The following CDC40 variants were observed in gnomAD, a reference collection of about 807,000 sequenced individuals.
The protein encoded by CDC40 is cell division cycle 40.
Under a neutral mutation model 80.6 loss-of-function variants are expected in CDC40, and 27 were observed. That is an observed-to-expected ratio of 0.33 (90% CI 0.25 to 0.46). The LOEUF (loss-of-function observed/expected upper bound fraction) is 0.46. CDC40 is among the 20% of genes least tolerant of loss of function. The pLI is 1.00. For missense variants in CDC40, 486 were observed against 694.1 expected (o/e 0.70, Z 3.37); for synonymous variants, 221 against 232.6 (o/e 0.95, Z 0.45).
chr6:110,201,297 C>T (rs925910008), intron 2 of CDC40, among the ~76,000 whole-genome samples: 35 of 152,180 alleles, frequency 2.3e-4, no homozygotes, highest in Admixed American at 1.3e-4. Flanking sequence ...CTGACAACCA[C>T]ATGGGGCTAC....
At chr6:110,212,751 A>G (rs1304914904) in intron 7 of CDC40, among the ~76,000 whole-genome samples, 1 of 152,200 alleles carries the variant, frequency 6.6e-6, no homozygotes, top group African/African-American at 2.4e-5. Context: ...ATTCTTTGTC[A>G]TCTGTACTAT....
intron 1 of CDC40, among the ~76,000 whole-genome samples, chr6:110,191,953 A>G (rs1012372035): frequency 3.3e-5 from 5 of 152,258 alleles, no homozygotes; most frequent in African/African-American, 1.2e-4. Context: ...GGTACTTACA[A>G]TCAAATATGT....
At chr6:110,229,902 T>C in intron 14 of CDC40, 52 bp from the exon 15 acceptor site, 1 of 1,272,000 alleles carries the variant, frequency 7.9e-7, no homozygotes, top group African/African-American at 1.5e-5. Flanking sequence ...TCATTCGCCT[T>C]ACCAATTTAA....
intron 1 of CDC40, among the ~76,000 whole-genome samples, chr6:110,185,281 C>T (rs1486486170): frequency 1.5e-5 from 2 of 129,556 alleles, no homozygotes; most frequent in Admixed American, 9.1e-5. Context: ...CTCGCTCTGT[C>T]GCCCAGGCTG....
At chr6:110,181,948 T>C (rs1777203848) in intron 1 of CDC40, among the ~76,000 whole-genome samples, 2 of 152,242 alleles carry the variant, frequency 1.3e-5, no homozygotes, top group Admixed American at 1.3e-4. Flanking sequence ...CCCTTTTCAA[T>C]ACTGGTGTTT....
At position 110,232,128 on chromosome 6, in the gene CDC40, C is replaced by G. The variant is rs889900985; in HGVS notation, c.*1997C>G. ...CATCATTTCTAAATCTGGATTGATT[C>G]TGTTGTGTTTTTGACTGTTTCTAAA... is the stretch of plus-strand genomic sequence containing the variant. On this transcript the variant is annotated 3_prime_UTR_variant, in exon 15 of 15. Transcript: ENST00000307731. 6 of 152,254 alleles carry G rather than the reference C, an allele frequency of 3.9e-5. No homozygotes were observed. The highest frequency in any genetic ancestry group is 8.8e-5 in the Non-Finnish European group (6 of 67,976). The allele number at this position is 152,254 out of a possible 1,614,324, so 9.4% of individuals were successfully genotyped here. A position where few individuals can be genotyped will look rare whatever the true frequency, so the allele number is the denominator to read the frequency against.
chr6:110,226,364 A>G (rs1047398525), intron 13 of CDC40, 121 bp downstream of exon 13: 1 of 560,362 alleles, frequency 1.8e-6, no homozygotes, highest in Non-Finnish European at 3.1e-6. Context: ...CATTATTTGT[A>G]TAAGGTAATC....
At chr6:110,224,189 T>G (rs1777819094) in intron 12 of CDC40, 2 of 152,162 alleles carry the variant, frequency 1.3e-5, no homozygotes, top group South Asian at 4.1e-4. Context: ...AGGCATTTAT[T>G]TTGGTAAAAT....
At chr6:110,225,795 T>G (rs1777849994) in intron 12 of CDC40, among the ~76,000 whole-genome samples, 1 of 152,226 alleles carries the variant, frequency 6.6e-6, no homozygotes. Flanking sequence ...TGGGTTTTGG[T>G]TACATGGATG....
Position 110,217,744 on chromosome 6 carries a change from G to T in CDC40, c.1031G>T (p.Gly344Val). ...AGGGATATCTGCTTCAATACTGCAG[G>T]AACACAGTTCCTCAGTGCAGCCTAT... ...AVRDICFNTA[G>V]TQFLSAAYDR... Residue 344 changes from glycine (G) to valine (V), a missense_variant, in exon 10 of 15, where the codon GGA (glycine) becomes GTA (valine). Coordinates refer to ENST00000307731, the MANE Select transcript of CDC40 (RefSeq NM_015891.3). 2 of 1,608,860 alleles carry T rather than the reference G, an allele frequency of 1.2e-6. No individual in the cohort carries two copies. Among genetic ancestry groups the T allele is most frequent in the South Asian group, 2.2e-5 (2 of 90,940 alleles).
intron 2 of CDC40, among the ~76,000 whole-genome samples, chr6:110,196,850 C>T (rs1185450737): frequency 6.6e-6 from 1 of 151,742 alleles, no homozygotes; most frequent in African/African-American, 2.4e-5. Context: ...AAATAACAGA[C>T]TCTTCTCACC....
At chr6:110,214,882 A>G (rs1343632405) in intron 8 of CDC40, among the ~76,000 whole-genome samples, 1 of 152,246 alleles carries the variant, frequency 6.6e-6, no homozygotes, top group Non-Finnish European at 1.5e-5. Flanking sequence ...TGTTATATAC[A>G]TGGCAGTTTT....
chr6:110,219,451 C>A lies in CDC40; in HGVS notation c.1178C>A (p.Ala393Asp). ...GAAGATAAGCAAAATCTCTTTGTGG[C>A]TGGGATGTCTGATAAGAAGATTGTG... ...PDEDKQNLFV[A>D]GMSDKKIVQW... is the part of the protein sequence containing the mutation. Residue 393 changes from alanine to aspartate, a missense_variant, in exon 11 of 15, where the codon GCT becomes GAT. Physicochemically the swap from Ala to Asp is moderately radical, Grantham distance 126. Coordinates refer to ENST00000307731, the MANE Select transcript of CDC40 (RefSeq NM_015891.3). 6.3e-7 allele frequency: 1 copy of A among 1,599,506 alleles called. No individual in the cohort carries two copies.
intron 2 of CDC40, among the ~76,000 whole-genome samples, chr6:110,195,208 TA>T (rs1338834141): frequency 6.6e-6 from 1 of 152,246 alleles, no homozygotes; most frequent in Non-Finnish European, 1.5e-5. Flanking sequence ...TTCACCAGTT[TA>T]AATTTTAAAT....
At position 110,180,926 on chromosome 6, in the gene CDC40, T is replaced by G. The variant is rs138072498; in HGVS notation, c.189+293T>G. ...TAGCCTGGAAAGTGCAGGTGTAATC[T>G]CGGAACATAAGTGAAATTAGATCAG... On this transcript the variant is annotated intron_variant, in intron 1 of 14. Transcript: ENST00000307731. Among the ~76,000 whole-genome samples the G allele has an allele frequency of 3.3e-5, 5 of 152,290 alleles. No individual in the cohort carries two copies. In the East Asian group the frequency reaches 7.7e-4, roughly 24 times the overall value.
chr6:110,227,054 G>T (rs1777873212), intron 13 of CDC40, among the ~76,000 whole-genome samples: 1 of 151,970 alleles, frequency 6.6e-6, no homozygotes. Context: ...CTCTTTCAGG[G>T]GATAGGAAGT....
At chr6:110,192,229 C>G (rs986138149) in intron 1 of CDC40, among the ~76,000 whole-genome samples, 1 of 152,150 alleles carries the variant, frequency 6.6e-6, no homozygotes, top group African/African-American at 2.4e-5. Flanking sequence ...TAAGAAGCTA[C>G]TCCAAAAACC....
At chr6:110,209,063 A>ATTTTTTTTTTTT in intron 4 of CDC40, 21 bp from the exon 5 acceptor site, 2 of 1,247,396 alleles carry the variant, frequency 1.6e-6, no homozygotes, top group Non-Finnish European at 2.2e-6. Flanking sequence ...TTTTTTTTTA[A>ATTTTTTTTTTTT]TTTTTTTTTT....
intron 1 of CDC40, 27 bp downstream of exon 1, chr6:110,180,660 G>T (rs771864383): frequency 6.4e-7 from 1 of 1,563,480 alleles, no homozygotes. Context: ...CTAATGCAGT[G>T]TGGGAATTGT....
Sources: gnomAD v4.1 joint callset for allele counts (sites outside exome capture counted in the v4.1 genomes callset) on GRCh38, gnomAD v4.1.1 for gene constraint, MANE v1.5 for transcripts, NCBI Gene and HGNC (gene_info 2026-07-23, HGNC 2026-07-21) for gene names.